The following VPS53 variants were observed in gnomAD, a reference collection of about 807,000 sequenced individuals.
VPS53 encodes VPS53 subunit of GARP complex, also known as vacuolar protein sorting-associated protein 53 homolog.
A neutral mutation model predicts 107.0 loss-of-function variants in VPS53; 70 were observed. The ratio of observed to expected loss-of-function variants is 0.65; its 90% CI spans 0.54 to 0.80. The LOEUF is 0.80. Among genes scored for constraint, VPS53 ranks in the 30% least tolerant of loss-of-function variants. The probability of loss-of-function intolerance (pLI) is 0.00; values close to 1 mark genes in which losing one functional copy is unlikely to be tolerated. For missense variants in VPS53, 917 were observed against 1,049.4 expected (o/e 0.87, Z 1.74); for synonymous variants, 409 against 393.3 (o/e 1.04, Z -0.47).
At chr17:662,620 C>G (rs1971486991) in intron 4 of VPS53, among the ~76,000 whole-genome samples, 1 of 151,610 alleles carries the variant, frequency 6.6e-6, no homozygotes, top group African/African-American at 2.4e-5. Flanking sequence ...ACCCGGGAGG[C>G]AGAGCTTGCA....
At position 510,301 on chromosome 17, in the gene VPS53, C is replaced by CATCCCTCACTA. The variant is rs1567587387; in HGVS notation, c.*8826_*8827insTAGTGAGGGAT. 2.9e-4 allele frequency: 20 copies of CATCCCTCACTA among 67,948 alleles called. 3 individuals are homozygous for CATCCCTCACTA. The highest frequency in any genetic ancestry group is 2.9e-3 in the African/African-American group (18 of 6,192). The allele number at this position is 67,948 out of a possible 1,614,324, so 4.2% of individuals were successfully genotyped here. ...ACTAGTCACATATCAAATCCTGTCT[C>CATCCCTCACTA]GCCCCTCACTAGTCACATATCAAAT... On this transcript the variant is annotated 3_prime_UTR_variant, in exon 22 of 22. Coordinates refer to ENST00000437048, the MANE Select transcript of VPS53 (RefSeq NM_001128159.3).
intron 8 of VPS53, among the ~76,000 whole-genome samples, chr17:628,996 A>G (rs2143112862): frequency 6.6e-6 from 1 of 152,334 alleles, no homozygotes; most frequent in African/African-American, 2.4e-5. Context: ...AGTAAAAAGA[A>G]CACTTGGAAT....
chr17:534,307 A>G (rs1166500071), intron 18 of VPS53, among the ~76,000 whole-genome samples: 1 of 152,202 alleles, frequency 6.6e-6, no homozygotes, highest in Non-Finnish European at 1.5e-5. Flanking sequence ...TTGTGGTTCA[A>G]CTGCAGTTTC....
chr17:562,414 T>C, intron 14 of VPS53, 89 bp downstream of exon 14: 5 of 1,559,982 alleles, frequency 3.2e-6, no homozygotes, highest in Non-Finnish European at 4.4e-6. Context: ...CTCTTGGTGG[T>C]TTAGTAAACA....
chr17:524,629 G>A lies in VPS53; in HGVS notation c.2086-2891C>T, dbSNP rs959734717. Among the ~76,000 whole-genome samples, 5 of 152,306 alleles carry A rather than the reference G, an allele frequency of 3.3e-5. No homozygotes were observed. Among genetic ancestry groups the A allele is most frequent in the South Asian group, 4.1e-4 (2 of 4,828 alleles). ...GCCCGAAAGGCATATGAAATGACACGCAACCTGGTTAGTAACTGGGAAATG... is the reference window on the plus strand; with the variant it reads ...GCCCGAAAGGCATATGAAATGACACACAACCTGGTTAGTAACTGGGAAATG... On this transcript the variant is annotated intron_variant, in intron 19 of 21. Coordinates refer to ENST00000437048, the MANE Select transcript of VPS53 (RefSeq NM_001128159.3). This position sits in a 1 kb window ranked among gnomAD's most constrained non-coding sequence, Gnocchi z 4.5.
At chr17:674,172 T>C (rs1567729776) in intron 4 of VPS53, 1 of 152,328 alleles carries the variant, frequency 6.6e-6, no homozygotes, top group East Asian at 1.9e-4. Context: ...CTGCTGCTTT[T>C]GCTGAATGAA....
rs530357125 is a variant in VPS53 at position 649,646 on chromosome 17, A to G, written c.608+3645T>C. 3.2e-4 allele frequency among the ~76,000 whole-genome samples: 49 copies of G among 151,764 alleles called. No individual in the cohort carries two copies. In the South Asian group the frequency reaches 0.01, roughly 32 times the overall value. On this transcript the variant is annotated intron_variant, in intron 7 of 21. Coordinates refer to ENST00000437048, the MANE Select transcript of VPS53 (RefSeq NM_001128159.3). ...ACAGGCACTGAAGAGCTTACACTTGAGGACAGAGAAATGGAACAGGCACTG... is the reference window on the plus strand; with the variant it reads ...ACAGGCACTGAAGAGCTTACACTTGGGGACAGAGAAATGGAACAGGCACTG...
intron 17 of VPS53, among the ~76,000 whole-genome samples, chr17:551,020 C>A (rs559432479): frequency 6.6e-6 from 1 of 152,080 alleles, no homozygotes; most frequent in South Asian, 2.1e-4. Flanking sequence ...TCTGGTGAGA[C>A]CACACCAAGG....
chr17:572,403 G>A (rs1424715370), intron 13 of VPS53, among the ~76,000 whole-genome samples: 2 of 149,576 alleles, frequency 1.3e-5, no homozygotes, highest in African/African-American at 2.5e-5. Context: ...CCCCGTCCGG[G>A]AGGGAGGTGG....
At chr17:530,936 A>T (rs751418940) in intron 19 of VPS53, among the ~76,000 whole-genome samples, 3 of 152,218 alleles carry the variant, frequency 2.0e-5, no homozygotes, top group Non-Finnish European at 4.4e-5. Context: ...AGCAAAACCT[A>T]ATTTAGGATC....
intron 16 of VPS53, chr17:552,751 A>G (rs1021473504): frequency 1.7e-4 from 36 of 214,044 alleles, no homozygotes; most frequent in Non-Finnish European, 3.0e-4. Flanking sequence ...ACTGCATCTG[A>G]GGAGGTACAA....
intron 15 of VPS53, among the ~76,000 whole-genome samples, chr17:555,336 C>T (rs1912231402): frequency 6.6e-6 from 1 of 152,196 alleles, no homozygotes; most frequent in South Asian, 2.1e-4. Flanking sequence ...CCTGCTGACC[C>T]ACTGCCTTGC....
At position 512,935 on chromosome 17, in the gene VPS53, G is replaced by C. The variant is rs1193766012; in HGVS notation, c.*6193C>G. On this transcript the variant is annotated 3_prime_UTR_variant, in exon 22 of 22. Coordinates refer to ENST00000437048, the MANE Select transcript of VPS53 (RefSeq NM_001128159.3). Reference sequence around the variant, plus strand: ...GGAAGAGCAGGCTGTGATGGGAACGGTAAGGACAGAGAAGGGAAGGTTCAC... The same window carrying C: ...GGAAGAGCAGGCTGTGATGGGAACGCTAAGGACAGAGAAGGGAAGGTTCAC... 1 of 152,410 alleles carries C rather than the reference G, an allele frequency of 6.6e-6. No individual in the cohort carries two copies. Among genetic ancestry groups the C allele is most frequent in the Non-Finnish European group, 1.5e-5 (1 of 68,164 alleles). 9.4% of individuals were successfully genotyped at this position (152,410 alleles called of 1,614,324 possible).
At chr17:545,309 G>A (rs1374650039) in intron 17 of VPS53, among the ~76,000 whole-genome samples, 3 of 152,134 alleles carry the variant, frequency 2.0e-5, no homozygotes, top group Admixed American at 6.5e-5. Flanking sequence ...TCTAGCAGCA[G>A]GACTCAGGGC....
chr17:680,148 G>T (rs1384326848), intron 4 of VPS53, among the ~76,000 whole-genome samples: 1 of 152,140 alleles, frequency 6.6e-6, no homozygotes, highest in Non-Finnish European at 1.5e-5. Flanking sequence ...ACAAAAATTA[G>T]CCGGTCATGG....
intron 4 of VPS53, chr17:674,054 G>A (rs1033596565): frequency 2.0e-5 from 3 of 152,190 alleles, no homozygotes; most frequent in African/African-American, 7.2e-5. Context: ...GCGAGTGACG[G>A]ATGCGTTCAT....
intron 13 of VPS53, 99 bp from the exon 14 acceptor site, chr17:562,844 T>C (rs1301605563): frequency 3.8e-6 from 5 of 1,331,904 alleles, no homozygotes; most frequent in Non-Finnish European, 5.1e-6. Flanking sequence ...CCACAAGTAA[T>C]CATTCCTACT....
At chr17:681,084 A>T (rs1972375629) in intron 4 of VPS53, among the ~76,000 whole-genome samples, 2 of 152,190 alleles carry the variant, frequency 1.3e-5, no homozygotes, top group South Asian at 4.1e-4. Flanking sequence ...GTTTTTTGAA[A>T]AATAACTATA....
intron 15 of VPS53, among the ~76,000 whole-genome samples, chr17:557,417 C>T (rs933188629): frequency 3.8e-4 from 58 of 152,162 alleles, no homozygotes; most frequent in Admixed American, 3.8e-3. Flanking sequence ...GATAAAGTCA[C>T]ATTTACATGT....
Sources: allele counts gnomAD v4.1 joint callset (sites outside exome capture counted in the v4.1 genomes callset), GRCh38; gene constraint gnomAD v4.1.1; non-coding constraint Gnocchi (gnomAD v3.1); transcripts MANE v1.5; gene names NCBI Gene and HGNC (gene_info 2026-07-23, HGNC 2026-07-21).